The following HIVEP3 variants were observed in gnomAD, a reference collection of about 807,000 sequenced individuals.
The protein encoded by HIVEP3 is transcription factor HIVEP3.
HIVEP3 carries 49 observed loss-of-function variants against 152.8 expected under a neutral mutation model. The observed-to-expected ratio is 0.32, with a 90% CI of 0.26 to 0.41. The LOEUF is 0.41. Among genes scored for constraint, HIVEP3 ranks in the 10% least tolerant of loss-of-function variants. HIVEP3 has a pLI of 1.00. For missense variants in HIVEP3, 2,790 were observed against 3,103.3 expected, an observed-to-expected ratio of 0.90 and a Z score of 2.40; for synonymous variants, 1,269 against 1,289.0, an observed-to-expected ratio of 0.98 and a Z score of 0.33.
intron 3 of HIVEP3, among the ~76,000 whole-genome samples, chr1:41,623,938 G>A (rs1224620446): frequency 6.6e-6 from 1 of 151,996 alleles, no homozygotes; most frequent in Non-Finnish European, 1.5e-5. Context: ...CCACTTCTCT[G>A]CACACATGTT....
intron 2 of HIVEP3, among the ~76,000 whole-genome samples, chr1:41,675,290 G>A (rs573296055): frequency 3.9e-5 from 6 of 152,126 alleles, no homozygotes; most frequent in African/African-American, 9.6e-5. Flanking sequence ...GTCTTCTTTC[G>A]GTGCCCCCTG....
intron 1 of HIVEP3, among the ~76,000 whole-genome samples, chr1:41,853,861 C>T (rs1003120515): frequency 3.3e-5 from 5 of 152,140 alleles, no homozygotes; most frequent in East Asian, 3.9e-4. Flanking sequence ...CCTTCAGCAG[C>T]GGCTCTAGGC....
intron 5 of HIVEP3, among the ~76,000 whole-genome samples, chr1:41,564,267 G>C (rs551011320): frequency 7.9e-5 from 12 of 152,254 alleles, no homozygotes; most frequent in Middle Eastern, 3.4e-3. Context: ...CGTACTCAGA[G>C]AATCCAGCAA....
intron 1 of HIVEP3, among the ~76,000 whole-genome samples, chr1:41,777,799 T>C (rs1441493734): frequency 6.6e-6 from 1 of 152,228 alleles, no homozygotes; most frequent in African/African-American, 2.4e-5. Context: ...GTGTCATGCA[T>C]TTAATCCGCA....
At chr1:42,002,969 A>G (rs947695593) in intron 1 of HIVEP3, among the ~76,000 whole-genome samples, 1 of 152,170 alleles carries the variant, frequency 6.6e-6, no homozygotes, top group Non-Finnish European at 1.5e-5. Flanking sequence ...GTTTATTAGC[A>G]TCATTCAGTA....
intron 1 of HIVEP3, among the ~76,000 whole-genome samples, chr1:42,012,747 T>C (rs533059088): frequency 1.3e-5 from 2 of 152,208 alleles, no homozygotes; most frequent in African/African-American, 4.8e-5. Context: ...CTCCCTCTCT[T>C]TGCCATACTG....
Position 41,510,694 on chromosome 1 carries a change from C to T in HIVEP3, c.6978G>A (p.Gln2326=). ...PRPPQGRRAA[Q]SWSPRLESPR... is the part of the protein sequence containing the mutation. ...GGGACTCCAAGCGGGGGCTCCAGGA[C>T]TGCGCTGCCCGGCGTCCCTGGGGCG... is the stretch of plus-strand genomic sequence containing the variant. Residue 2326 remains glutamine (Q), a synonymous_variant, in exon 9 of 9, where the codon CAG becomes CAA. Transcript: ENST00000372583. 6.6e-7 allele frequency: 1 copy of T among 1,522,380 alleles called. No homozygotes were observed. Among genetic ancestry groups the T allele is most frequent in the Non-Finnish European group, 8.8e-7 (1 of 1,134,650 alleles). The allele number at this position is 1,522,380 out of a possible 1,614,324, so 94.3% of individuals were successfully genotyped here.
chr1:41,578,197 G>T (rs541858533), intron 4 of HIVEP3, among the ~76,000 whole-genome samples: 5 of 152,298 alleles, frequency 3.3e-5, no homozygotes, highest in African/African-American at 9.6e-5. Context: ...TGGTGATATT[G>T]CACCCTAACT....
chr1:41,898,551 G>C (rs1382746057), intron 1 of HIVEP3, among the ~76,000 whole-genome samples: 1 of 152,236 alleles, frequency 6.6e-6, no homozygotes, highest in African/African-American at 2.4e-5. Flanking sequence ...TGCATCTTCA[G>C]GTCAGCCTGC....
intron 7 of HIVEP3, among the ~76,000 whole-genome samples, chr1:41,515,832 C>G (rs1284528936): frequency 6.6e-6 from 1 of 152,160 alleles, no homozygotes; most frequent in East Asian, 1.9e-4. Context: ...GTCTGGCACA[C>G]AGTAAGTACC....
Position 41,512,956 on chromosome 1 carries a change from A to G in HIVEP3, c.6265T>C (p.Trp2089Arg). The G allele has an allele frequency of 6.2e-7, 1 of 1,610,492 alleles. No individual in the cohort carries two copies. Among genetic ancestry groups the G allele is most frequent in the Non-Finnish European group, 8.5e-7 (1 of 1,178,582 alleles). ...GGGCTGCCCGGCCCAGCCAAGGCCC[A>G]CTTCCCTGGCGGCGCTGACCGTGGT... ...SPPRSAPPGK[W>R]ALAGPGSPSA... Residue 2089 changes from tryptophan to arginine, a missense_variant, in exon 8 of 9, where the codon TGG (tryptophan) becomes CGG (arginine). By Grantham distance (101) the Trp-to-Arg change is moderately radical. Coordinates refer to ENST00000372583, the MANE Select transcript of HIVEP3 (RefSeq NM_024503.5).
chr1:41,729,440 C>T (rs1441545122), intron 1 of HIVEP3, among the ~76,000 whole-genome samples: 1 of 152,238 alleles, frequency 6.6e-6, no homozygotes, highest in Non-Finnish European at 1.5e-5. Context: ...CTGCCTCACT[C>T]CCTCAACTCT....
At chr1:41,679,124 G>A (rs1558173215) in intron 2 of HIVEP3, among the ~76,000 whole-genome samples, 1 of 152,204 alleles carries the variant, frequency 6.6e-6, no homozygotes, top group Non-Finnish European at 1.5e-5. Flanking sequence ...CAAGACCCTT[G>A]CCATGGAGGC....
At chr1:41,645,665 T>C (rs573208637) in intron 2 of HIVEP3, among the ~76,000 whole-genome samples, 1 of 152,328 alleles carries the variant, frequency 6.6e-6, no homozygotes, top group African/African-American at 2.4e-5. Context: ...CCAGGCCCTG[T>C]TTGTCTTGTT....
At chr1:41,971,822 A>C (rs138930070) in intron 1 of HIVEP3, among the ~76,000 whole-genome samples, 1,559 of 152,272 alleles carry the variant, frequency 0.01, 25 homozygotes, top group African/African-American at 0.036. Context: ...TGGTGGTGAT[A>C]GACCATGACA....
At chr1:42,019,917 C>T (rs199974192) in intron 1 of HIVEP3, among the ~76,000 whole-genome samples, 2 of 152,050 alleles carry the variant, frequency 1.3e-5, no homozygotes, top group East Asian at 3.8e-4. Context: ...CATAAATCAA[C>T]ACTGAATTTT....
chr1:41,989,912 G>C (rs556501097), intron 1 of HIVEP3, among the ~76,000 whole-genome samples: 85 of 138,310 alleles, frequency 6.1e-4, no homozygotes, highest in African/African-American at 2.4e-3. Context: ...GGAGCATTTA[G>C]TCCATTTACA....
At chr1:41,766,971 A>C (rs990534419) in intron 1 of HIVEP3, among the ~76,000 whole-genome samples, 2 of 152,016 alleles carry the variant, frequency 1.3e-5, no homozygotes, top group African/African-American at 4.8e-5. Context: ...CCCAATGGAT[A>C]CTCTACACCA....
At chr1:41,623,782 C>T (rs955164455) in intron 3 of HIVEP3, among the ~76,000 whole-genome samples, 1 of 152,240 alleles carries the variant, frequency 6.6e-6, no homozygotes, top group African/African-American at 2.4e-5. Context: ...GGCCCTCCTC[C>T]TCCTGTGCCA....
Sources: gnomAD v4.1 joint callset for allele counts (sites outside exome capture counted in the v4.1 genomes callset) on GRCh38, gnomAD v4.1.1 for gene constraint, MANE v1.5 for transcripts, NCBI Gene and HGNC (gene_info 2026-07-23, HGNC 2026-07-21) for gene names.